Variants in PRDM16 observed in about 807,000 individuals in gnomAD.
PRDM16 encodes the protein histone-lysine N-methyltransferase PRDM16.
A neutral mutation model predicts 110.6 loss-of-function variants in PRDM16; 23 were observed. The ratio of observed to expected loss-of-function variants is 0.21; its 90% CI spans 0.15 to 0.29. The LOEUF is 0.29. PRDM16 is among the 10% of genes least tolerant of loss of function. The probability of loss-of-function intolerance (pLI) is 1.00; values close to 1 mark genes in which losing one functional copy is unlikely to be tolerated. For missense variants in PRDM16, 1,615 were observed against 1,794.3 expected (o/e 0.90, Z 1.81); for synonymous variants, 799 against 781.8 (o/e 1.02, Z -0.37).
intron 5 of PRDM16, among the ~76,000 whole-genome samples, chr1:3,402,172 C>CG (rs1462083025): frequency 6.6e-6 from 1 of 151,980 alleles, no homozygotes; most frequent in Non-Finnish European, 1.5e-5. Context: ...TTTCCAGAGC[C>CG]GGGGGGATGA....
intron 1 of PRDM16, among the ~76,000 whole-genome samples, chr1:3,147,235 A>C (rs1242130058): frequency 6.6e-6 from 1 of 151,998 alleles, no homozygotes; most frequent in Non-Finnish European, 1.5e-5. Context: ...ACACGTGTGC[A>C]TTCACTTCTA....
chr1:3,079,632 C>G (rs7525173), intron 1 of PRDM16, among the ~76,000 whole-genome samples: 81,606 of 152,098 alleles, frequency 0.54, 22,169 homozygotes, highest in East Asian at 0.87. Context: ...TCCTGGAAAA[C>G]CCGATGCGTT....
intron 1 of PRDM16, among the ~76,000 whole-genome samples, chr1:3,181,164 GGTCTTACGGTCTTACACACGCA>G (rs1431122653): frequency 1.3e-4 from 4 of 30,878 alleles, no homozygotes; most frequent in Non-Finnish European, 2.3e-4. Flanking sequence ...TCTTACACGC[GGTCTTACGGTCTTACACACGCA>G]GTCTTACGGT....
At chr1:3,419,493 G>A (rs990294196) in intron 12 of PRDM16, among the ~76,000 whole-genome samples, 2 of 152,214 alleles carry the variant, frequency 1.3e-5, no homozygotes, top group East Asian at 3.9e-4. Context: ...CGGGGTCAGT[G>A]CCTGGGAGTG....
At chr1:3,092,815 C>G (rs1395832392) in intron 1 of PRDM16, among the ~76,000 whole-genome samples, 1 of 151,982 alleles carries the variant, frequency 6.6e-6, no homozygotes, top group Non-Finnish European at 1.5e-5. Context: ...GGGGCTGTCT[C>G]AGGGAGGACA....
At chr1:3,202,833 C>T (rs1051539603) in intron 2 of PRDM16, among the ~76,000 whole-genome samples, 1 of 152,200 alleles carries the variant, frequency 6.6e-6, no homozygotes, top group Non-Finnish European at 1.5e-5. Context: ...GTTTCCCCAC[C>T]TGCTAAATGA....
At chr1:3,114,301 G>C (rs373365355) in intron 1 of PRDM16, among the ~76,000 whole-genome samples, 1 of 110,264 alleles carries the variant, frequency 9.1e-6, no homozygotes, top group Non-Finnish European at 1.8e-5. Flanking sequence ...AAACGCACAC[G>C]CACGCACACA....
chr1:3,405,130 C>T (rs1417195779), intron 7 of PRDM16, among the ~76,000 whole-genome samples: 11 of 152,132 alleles, frequency 7.2e-5, no homozygotes, highest in Non-Finnish European at 5.9e-5. Context: ...CCCTCCAGAG[C>T]GCGGCTCCTG....
At chr1:3,226,989 T>G (rs1014050482) in intron 2 of PRDM16, among the ~76,000 whole-genome samples, 1 of 152,270 alleles carries the variant, frequency 6.6e-6, no homozygotes, top group Non-Finnish European at 1.5e-5. Flanking sequence ...AATAAAGCAC[T>G]TTAAGGATAG....
At chr1:3,082,657 A>G (rs998793060) in intron 1 of PRDM16, among the ~76,000 whole-genome samples, 1 of 151,626 alleles carries the variant, frequency 6.6e-6, no homozygotes, top group South Asian at 2.1e-4. Context: ...ATGCCCAGCA[A>G]CCCCCTCCCC....
intron 2 of PRDM16, among the ~76,000 whole-genome samples, chr1:3,227,698 G>A (rs1039159601): frequency 4.6e-5 from 7 of 152,242 alleles, no homozygotes; most frequent in Non-Finnish European, 8.8e-5. Context: ...ACAGCTGGCT[G>A]CCCAGGCTGC....
chr1:3,352,296 G>A lies in PRDM16; in HGVS notation c.439-32856G>A, dbSNP rs142574247. ...ATTCAATTCTGCCCCCATCCCAGCC[G>A]TGCCCACCCCTCCCACGACTTCCCA... On this transcript the variant is annotated intron_variant, in intron 3 of 16. Transcript: ENST00000270722. Among the ~76,000 whole-genome samples, 698 of 152,062 alleles carry A rather than the reference G, an allele frequency of 4.6e-3. 11 individuals are homozygous for A. The highest frequency in any genetic ancestry group is 0.02 in the East Asian group (103 of 5,144).
At chr1:3,332,846 T>C (rs1296687186) in intron 3 of PRDM16, among the ~76,000 whole-genome samples, 1 of 152,096 alleles carries the variant, frequency 6.6e-6, no homozygotes, top group East Asian at 1.9e-4. Flanking sequence ...GGATTTGTCC[T>C]CTCCATGGAA....
chr1:3,212,873 G>A (rs1638931401), intron 2 of PRDM16, among the ~76,000 whole-genome samples: 1 of 152,206 alleles, frequency 6.6e-6, no homozygotes, highest in Non-Finnish European at 1.5e-5. Context: ...CACCTGGCGA[G>A]GGGCCCTCTT....
intron 2 of PRDM16, among the ~76,000 whole-genome samples, chr1:3,197,324 A>C (rs904565870): frequency 6.6e-6 from 1 of 152,172 alleles, no homozygotes; most frequent in African/African-American, 2.4e-5. Context: ...TGAGCAGGGC[A>C]GGCCCCTCCT....
rs1309454976 is a variant in PRDM16 at position 3,359,156 on chromosome 1, C to T, written c.439-25996C>T. Among the ~76,000 whole-genome samples the T allele has an allele frequency of 2.0e-5, 3 of 152,236 alleles. No homozygotes were observed. The highest frequency in any genetic ancestry group is 4.4e-5 in the Non-Finnish European group (3 of 68,040). ...CCGGGCTCAAGCGATCCTCCCTCCTCAGCCTCCCGAGTAGCTGGGACTACA... is the reference window on the plus strand; with the variant it reads ...CCGGGCTCAAGCGATCCTCCCTCCTTAGCCTCCCGAGTAGCTGGGACTACA... On this transcript the variant is annotated intron_variant, in intron 3 of 16. Transcript: ENST00000270722. The surrounding 1 kb of genome is among the most constrained non-coding windows in gnomAD (Gnocchi z 4.3).
intron 3 of PRDM16, among the ~76,000 whole-genome samples, chr1:3,262,904 C>T (rs1471658415): frequency 2.0e-5 from 3 of 152,138 alleles, no homozygotes; most frequent in African/African-American, 4.8e-5. Context: ...GGTGTGCTGC[C>T]GCGACGGTGC....
At chr1:3,239,498 C>A (rs979370268) in intron 2 of PRDM16, among the ~76,000 whole-genome samples, 1 of 152,120 alleles carries the variant, frequency 6.6e-6, no homozygotes, top group African/African-American at 2.4e-5. Flanking sequence ...CATTTGTATG[C>A]CCCTGGGTGC....
At chr1:3,312,708 T>C (rs1217276968) in intron 3 of PRDM16, among the ~76,000 whole-genome samples, 1 of 152,208 alleles carries the variant, frequency 6.6e-6, no homozygotes, top group Non-Finnish European at 1.5e-5. Flanking sequence ...ACACAAATAC[T>C]CCGCCGCTTT....
Sources: allele counts gnomAD v4.1 joint callset (sites outside exome capture counted in the v4.1 genomes callset), GRCh38; gene constraint gnomAD v4.1.1; non-coding constraint Gnocchi (gnomAD v3.1); transcripts MANE v1.5; gene names NCBI Gene and HGNC (gene_info 2026-07-23, HGNC 2026-07-21).